The following KIF20B variants were observed in gnomAD, a reference collection of about 807,000 sequenced individuals.
KIF20B encodes kinesin family member 20B, also known as kinesin-like protein KIF20B.
In KIF20B, 188 loss-of-function variants were observed where a neutral mutation model predicts 232.5. The observed-to-expected ratio is 0.81, with a 90% CI of 0.72 to 0.91. KIF20B has a LOEUF of 0.91. KIF20B is among the 40% of genes least tolerant of loss of function. The pLI is 0.00. For synonymous variants in KIF20B, 712 were observed against 683.0 expected (o/e 1.04, Z -0.66); for missense variants, 2,154 against 2,055.9 (o/e 1.05, Z -0.92).
chr10:89,733,078 G>A, intron 19 of KIF20B, 22 bp downstream of exon 19: 1 of 1,612,302 alleles, frequency 6.2e-7, no homozygotes, highest in Non-Finnish European at 8.5e-7. Context: ...GCTGCCAGCA[G>A]CAGGCGTTTA....
In KIF20B at chr10:89,717,603, A is replaced by G. The variant is rs759737602; in HGVS notation, c.1152A>G (p.Ser384=). The change falls in exon 11 of 33, where the codon TCA becomes TCG. Residue 384 remains serine (S), a synonymous_variant. Transcript: ENST00000371728. ...SELSLCDLAG[S]ERTMKTQNEG... ...TATCTTTATGTGATCTTGCTGGTTC[A>G]GAACGAACTATGAAGACACAGAATG... The G allele has an allele frequency of 3.1e-6, 5 of 1,611,294 alleles. No individual in the cohort carries two copies. Among genetic ancestry groups the G allele is most frequent in the Non-Finnish European group, 4.2e-6 (5 of 1,178,718 alleles).
chr10:89,711,339 T>A (rs550803603), intron 6 of KIF20B, among the ~76,000 whole-genome samples, 194 bp downstream of exon 6: 1 of 152,306 alleles, frequency 6.6e-6, no homozygotes, highest in South Asian at 2.1e-4. Context: ...GCAAGAATGT[T>A]TAAACAATAC....
At chr10:89,740,854 T>G (rs1180169609) in intron 21 of KIF20B, among the ~76,000 whole-genome samples, 1 of 152,154 alleles carries the variant, frequency 6.6e-6, no homozygotes, top group Non-Finnish European at 1.5e-5. Flanking sequence ...TGTTAAAGTC[T>G]TTTTTATTGC....
At chr10:89,766,964 A>G (rs1330806952) in intron 29 of KIF20B, among the ~76,000 whole-genome samples, 1 of 151,524 alleles carries the variant, frequency 6.6e-6, no homozygotes, top group African/African-American at 2.4e-5. Context: ...GTAGTTCTCA[A>G]GAAGGTTAAA....
chr10:89,739,684 G>C (rs573923418), intron 21 of KIF20B, among the ~76,000 whole-genome samples: 2 of 133,786 alleles, frequency 1.5e-5, no homozygotes, highest in South Asian at 4.9e-4. Context: ...TTTAAACTTT[G>C]AGGTAGTTAC....
At chr10:89,767,481 T>G (rs1842386973) in intron 29 of KIF20B, among the ~76,000 whole-genome samples, 1 of 152,032 alleles carries the variant, frequency 6.6e-6, no homozygotes, top group Non-Finnish European at 1.5e-5. Context: ...GGTGTCTGCT[T>G]CTTATGACCC....
intron 19 of KIF20B, among the ~76,000 whole-genome samples, chr10:89,733,357 T>C (rs1843371580): frequency 6.6e-6 from 1 of 152,222 alleles, no homozygotes; most frequent in African/African-American, 2.4e-5. Flanking sequence ...ATATAGTATT[T>C]TCTGCCTAAA....
intron 13 of KIF20B, among the ~76,000 whole-genome samples, chr10:89,720,474 T>G (rs893748026): frequency 6.6e-6 from 1 of 152,174 alleles, no homozygotes; most frequent in African/African-American, 2.4e-5. Flanking sequence ...AAAACCATAT[T>G]ATCTGTGGGG....
intron 25 of KIF20B, among the ~76,000 whole-genome samples, chr10:89,754,041 T>A (rs1842074058): frequency 6.6e-6 from 1 of 151,822 alleles, no homozygotes; most frequent in Non-Finnish European, 1.5e-5. Context: ...AAATTACTGA[T>A]CAGCAGTATT....
intron 21 of KIF20B, among the ~76,000 whole-genome samples, chr10:89,742,567 T>A (rs563055229): frequency 9.9e-4 from 151 of 152,296 alleles, no homozygotes; most frequent in Non-Finnish European, 1.9e-3. Flanking sequence ...CTCATTTTTT[T>A]AAACAAAATT....
At chr10:89,709,826 A>G in intron 4 of KIF20B, 101 bp from the exon 5 acceptor site, 1 of 929,500 alleles carries the variant, frequency 1.1e-6, no homozygotes, top group Non-Finnish European at 1.5e-6. Flanking sequence ...CTATTTTAAG[A>G]ATGAATCTTT....
At chr10:89,772,286 G>A (rs1842478310) in intron 31 of KIF20B, among the ~76,000 whole-genome samples, 1 of 151,930 alleles carries the variant, frequency 6.6e-6, no homozygotes, top group African/African-American at 2.4e-5. Flanking sequence ...CATTCATTGT[G>A]CATAACTTTA....
At chr10:89,765,734 A>C (rs1415731305) in intron 29 of KIF20B, among the ~76,000 whole-genome samples, 1 of 152,112 alleles carries the variant, frequency 6.6e-6, no homozygotes, top group Non-Finnish European at 1.5e-5. Flanking sequence ...ACGTCTGTTA[A>C]GTATTTTATT....
intron 1 of KIF20B, among the ~76,000 whole-genome samples, chr10:89,704,063 A>G (rs942418120): frequency 1.3e-5 from 2 of 151,968 alleles, no homozygotes; most frequent in African/African-American, 4.8e-5. Context: ...AGGCTTTTTA[A>G]TTTTTATTTT....
At position 89,715,053 on chromosome 10, in the gene KIF20B, G is replaced by A. The variant is rs746383366; in HGVS notation, c.811G>A (p.Val271Met). 3.1e-6 allele frequency: 5 copies of A among 1,606,274 alleles called. No homozygotes were observed. Among genetic ancestry groups the A allele is most frequent in the Non-Finnish European group, 4.3e-6 (5 of 1,175,376 alleles). The change falls in exon 8 of 33, where the codon GTG (valine) becomes ATG (methionine). Residue 271 changes from valine (V) to methionine (M), a missense_variant. Val to Met is a conservative substitution (Grantham distance 21, BLOSUM62 1). Coordinates refer to ENST00000371728, the MANE Select transcript of KIF20B (RefSeq NM_001284259.2). The part of the protein sequence containing the change: ...LNMANSIKFS[V>M]WVSFFEIYNE... ...TATGGCTAATAGTATAAAATTTTCT[G>A]TGTGGGTTTCTTTCTTTGAAATTTA... is the stretch of plus-strand genomic sequence containing the variant.
At chr10:89,739,621 T>C (rs1469263655) in intron 21 of KIF20B, among the ~76,000 whole-genome samples, 3 of 151,916 alleles carry the variant, frequency 2.0e-5, no homozygotes, top group African/African-American at 7.3e-5. Context: ...GACCACTTCA[T>C]TTTCTGTCGT....
intron 17 of KIF20B, 41 bp from the exon 18 acceptor site, chr10:89,729,087 A>G (rs772164317): frequency 2.3e-5 from 30 of 1,296,974 alleles, no homozygotes; most frequent in Non-Finnish European, 3.0e-5. Flanking sequence ...TAGTTATCCT[A>G]AAGTATATTC....
chr10:89,724,202 T>C lies in KIF20B; in HGVS notation c.1862+99T>C, dbSNP rs149079874. On this transcript the variant is annotated intron_variant, in intron 14 of 32. Coordinates refer to ENST00000371728, the MANE Select transcript of KIF20B (RefSeq NM_001284259.2). ...TTTACTTTTTATATTAGGTGGCTTC[T>C]GAATTCTGATCTCTTTATACAAGCT... 8.2e-4 allele frequency: 946 copies of C among 1,156,686 alleles called. 7 individuals are homozygous for C. The African/African-American group carries it at 0.013, about 16-fold the overall frequency. 71.7% of individuals were successfully genotyped at this position (1,156,686 alleles called of 1,614,324 possible).
At chr10:89,754,009 A>C (rs1842073535) in intron 25 of KIF20B, among the ~76,000 whole-genome samples, 1 of 151,922 alleles carries the variant, frequency 6.6e-6, no homozygotes, top group Non-Finnish European at 1.5e-5. Context: ...CTGAACCCAA[A>C]GAATCTGTGG....
Sources: gnomAD v4.1 joint callset for allele counts (sites outside exome capture counted in the v4.1 genomes callset) on GRCh38, gnomAD v4.1.1 for gene constraint, MANE v1.5 for transcripts, NCBI Gene and HGNC (gene_info 2026-07-23, HGNC 2026-07-21) for gene names.